The following RASGRP1 variants were observed in gnomAD, a reference collection of about 807,000 sequenced individuals.
RASGRP1 encodes RAS guanyl releasing protein 1.
A neutral mutation model predicts 95.1 loss-of-function variants in RASGRP1; 37 were observed. The ratio of observed to expected loss-of-function variants is 0.39; its 90% CI spans 0.30 to 0.51. The LOEUF (loss-of-function observed/expected upper bound fraction) is 0.51. Ranked by LOEUF, RASGRP1 falls within the 20% of genes least tolerant of loss-of-function variation. The pLI is 0.80. For missense variants in RASGRP1, 711 were observed against 965.4 expected, an observed-to-expected ratio of 0.74 and a Z score of 3.49; for synonymous variants, 325 against 353.4, an observed-to-expected ratio of 0.92 and a Z score of 0.90.
In RASGRP1 at chr15:38,507,952, T is replaced by C. The variant is rs1439636466; in HGVS notation, c.1016A>G (p.Asn339Ser). 9.3e-6 allele frequency: 15 copies of C among 1,610,542 alleles called. No homozygotes were observed. Among genetic ancestry groups the C allele is most frequent in the Non-Finnish European group, 1.3e-5 (15 of 1,178,800 alleles). ...ELLSSSRNYD[N>S]YRRAYGECTD... is the part of the protein sequence containing the mutation. ...GCACTCTCCATAGGCTCGCCGGTAA[T>C]TGTCGTAGTTTCTGGAGGAGGACAG... is the stretch of plus-strand genomic sequence containing the variant. Residue 339 changes from asparagine (N) to serine (S), a missense_variant, in exon 9 of 17, where the codon AAT becomes AGT. Asn to Ser is a conservative substitution (Grantham distance 46). Transcript: ENST00000310803.
intron 1 of RASGRP1, among the ~76,000 whole-genome samples, chr15:38,560,914 A>G (rs1342840710): frequency 1.3e-5 from 2 of 152,190 alleles, no homozygotes; most frequent in East Asian, 3.9e-4. Context: ...TGACCTCATC[A>G]GTACAAGTCA....
At chr15:38,539,873 C>G (rs1892799063) in intron 2 of RASGRP1, among the ~76,000 whole-genome samples, 1 of 152,122 alleles carries the variant, frequency 6.6e-6, no homozygotes, top group Non-Finnish European at 1.5e-5. Context: ...TTTCCAATTT[C>G]ATCCATGTCC....
chr15:38,537,049 T>C (rs1213786609), intron 2 of RASGRP1, among the ~76,000 whole-genome samples: 2 of 152,144 alleles, frequency 1.3e-5, no homozygotes, highest in Non-Finnish European at 2.9e-5. Context: ...TTTTCCTTTG[T>C]TCTGGCTATT....
chr15:38,499,082 C>A (rs3936122), intron 14 of RASGRP1, 136 bp from the exon 15 acceptor site: 1 of 1,176,850 alleles, frequency 8.5e-7, no homozygotes, highest in Non-Finnish European at 1.3e-6. Flanking sequence ...ACTTAACATT[C>A]CTAATGAAGC....
At chr15:38,500,165 C>T in intron 13 of RASGRP1, 26 bp from the exon 14 acceptor site, 3 of 1,611,542 alleles carry the variant, frequency 1.9e-6, no homozygotes, top group Non-Finnish European at 2.5e-6. Context: ...CAGAATGCAC[C>T]ACATGTCATT....
At chr15:38,530,376 C>T (rs137892752) in intron 2 of RASGRP1, among the ~76,000 whole-genome samples, 5 of 152,288 alleles carry the variant, frequency 3.3e-5, no homozygotes, top group Non-Finnish European at 7.3e-5. Flanking sequence ...AGTCAAAGGG[C>T]AGGAACTGCA....
rs547099553 is a variant in RASGRP1, at chr15:38,490,497, A to G, written c.*57T>C. 1.2e-5 allele frequency: 18 copies of G among 1,564,826 alleles called. No individual in the cohort carries two copies. The African/African-American group carries it at 2.2e-4, about 19-fold the overall frequency. On this transcript the variant is annotated 3_prime_UTR_variant, in exon 17 of 17. Transcript: ENST00000310803. ...AAAGTTCCTCAGGTCTGTGCATTAC[A>G]GTTTAGGAAATGAGATCACTATACT...
At chr15:38,517,160 T>C (rs1019705833) in intron 5 of RASGRP1, among the ~76,000 whole-genome samples, 7 of 152,156 alleles carry the variant, frequency 4.6e-5, no homozygotes, top group African/African-American at 1.7e-4. Context: ...AGTGAGCATA[T>C]TACACACTCT....
chr15:38,513,220 T>C (rs751500105), intron 6 of RASGRP1, among the ~76,000 whole-genome samples: 8 of 152,190 alleles, frequency 5.3e-5, no homozygotes, highest in Non-Finnish European at 1.2e-4. Flanking sequence ...CATTAGTTAA[T>C]CCAAATGCTG....
intron 3 of RASGRP1, among the ~76,000 whole-genome samples, 161 bp downstream of exon 3, chr15:38,526,138 A>C (rs1228433269): frequency 6.6e-6 from 1 of 152,140 alleles, no homozygotes; most frequent in East Asian, 1.9e-4. Flanking sequence ...ATACATGAAC[A>C]CACCCCCAAC....
chr15:38,552,222 G>C (rs1893368654), intron 2 of RASGRP1, among the ~76,000 whole-genome samples: 1 of 152,118 alleles, frequency 6.6e-6, no homozygotes, highest in Non-Finnish European at 1.5e-5. Flanking sequence ...AAGGTCCATT[G>C]TTCCTTTCCT....
rs1890524438 is a variant in RASGRP1 at position 38,490,348 on chromosome 15, T to C, written c.*206A>G. Reference sequence around the variant, plus strand: ...TGAATAGCAAAAGTTTTGCATTCTTTAGTTTTCCCCCTTTGAGTCAACTAA... The same window carrying C: ...TGAATAGCAAAAGTTTTGCATTCTTCAGTTTTCCCCCTTTGAGTCAACTAA... On this transcript the variant is annotated 3_prime_UTR_variant, in exon 17 of 17. Coordinates refer to ENST00000310803, the MANE Select transcript of RASGRP1 (RefSeq NM_005739.4). 2 of 430,860 alleles carry C rather than the reference T, an allele frequency of 4.6e-6. No homozygotes were observed. Among genetic ancestry groups the C allele is most frequent in the Non-Finnish European group, 7.7e-6 (2 of 258,700 alleles). The allele number at this position is 430,860 out of a possible 1,614,324, so 26.7% of individuals were successfully genotyped here.
chr15:38,543,725 T>C (rs936253045), intron 2 of RASGRP1, among the ~76,000 whole-genome samples: 10 of 151,762 alleles, frequency 6.6e-5, no homozygotes, highest in Admixed American at 5.9e-4. Flanking sequence ...TATTTTTCAG[T>C]TCTAGAATTC....
chr15:38,502,522 T>A, intron 11 of RASGRP1, 101 bp from the exon 12 acceptor site: 1 of 708,360 alleles, frequency 1.4e-6, no homozygotes, highest in Non-Finnish European at 2.4e-6. Context: ...AAAAGCCTTT[T>A]AACAACCTGA....
At chr15:38,495,695 T>C (rs1370916356) in intron 15 of RASGRP1, among the ~76,000 whole-genome samples, 2 of 152,242 alleles carry the variant, frequency 1.3e-5, no homozygotes, top group African/African-American at 2.4e-5. Flanking sequence ...TTAATATTTA[T>C]CCAATAAAGC....
intron 2 of RASGRP1, among the ~76,000 whole-genome samples, chr15:38,556,485 T>C (rs1384646957): frequency 2.0e-5 from 3 of 152,218 alleles, no homozygotes; most frequent in Non-Finnish European, 2.9e-5. Flanking sequence ...CTTTAAGCAA[T>C]ACTCAGACTC....
intron 3 of RASGRP1, among the ~76,000 whole-genome samples, chr15:38,523,750 A>G (rs1323782139): frequency 6.6e-6 from 1 of 152,134 alleles, no homozygotes; most frequent in African/African-American, 2.4e-5. Flanking sequence ...TTCTATGTTT[A>G]GATATATAAA....
chr15:38,511,614 T>G lies in RASGRP1; in HGVS notation c.956A>C (p.Glu319Ala). 1 of 1,612,748 alleles carries G rather than the reference T, an allele frequency of 6.2e-7. No homozygotes were observed. The highest frequency in any genetic ancestry group is 8.5e-7 in the Non-Finnish European group (1 of 1,178,858). ...GACAGTAGCACTGACCTTATTGATT[T>G]CATGTGGGACATGCGAACTTGTCTC... is the stretch of plus-strand genomic sequence containing the variant. ...LKETSSHVPH[E>A]INKVLGEMTE... Residue 319 changes from glutamate to alanine, a missense_variant, in exon 8 of 17, where the codon GAA becomes GCA. By Grantham distance (107) the Glu-to-Ala change is moderately radical. This residue lies in a region of RASGRP1 where 491 missense variants were observed against 676.6 expected (regional missense o/e 0.73). Coordinates refer to ENST00000310803, the MANE Select transcript of RASGRP1 (RefSeq NM_005739.4).
In RASGRP1 at chr15:38,532,330, G is replaced by T. The variant is rs1892473645; in HGVS notation, c.221-5926C>A. On this transcript the variant is annotated intron_variant, in intron 2 of 16. Coordinates refer to ENST00000310803, the MANE Select transcript of RASGRP1 (RefSeq NM_005739.4). ...TTTAAAGGGTTGAAGCCTCAGTGGG[G>T]TACACAATGTTGATCTTACATACTC... 2.6e-5 allele frequency among the ~76,000 whole-genome samples: 4 copies of T among 152,316 alleles called. 1 individual carries two copies. In the South Asian group the frequency reaches 8.3e-4, roughly 32 times the overall value.
Sources: allele counts gnomAD v4.1 joint callset (sites outside exome capture counted in the v4.1 genomes callset), GRCh38; gene constraint gnomAD v4.1.1; regional missense constraint gnomAD v4.1.1; transcripts MANE v1.5; gene names NCBI Gene and HGNC (gene_info 2026-07-23, HGNC 2026-07-21).